Variants in MITF observed in about 807,000 individuals in gnomAD.
The protein encoded by MITF is microphthalmia-associated transcription factor.
A neutral mutation model predicts 60.5 loss-of-function variants in MITF; 17 were observed. The observed-to-expected ratio is 0.28, with a 90% CI of 0.19 to 0.42. The LOEUF is 0.42. Ranked by LOEUF, MITF falls within the 10% of genes least tolerant of loss-of-function variation. The pLI is 1.00. For synonymous variants in MITF, 260 were observed against 248.5 expected (o/e 1.05, Z -0.43); for missense variants, 622 against 683.5 (o/e 0.91, Z 1.00).
chr3:69,790,795 A>G (rs2062727313), intron 1 of MITF, among the ~76,000 whole-genome samples: 1 of 152,150 alleles, frequency 6.6e-6, no homozygotes. Flanking sequence ...GCAGCACCCC[A>G]CTTTCAGTCC....
intron 9 of MITF, 74 bp from the exon 10 acceptor site, chr3:69,964,773 T>C (rs1559755732): frequency 1.4e-5 from 19 of 1,359,458 alleles, no homozygotes; most frequent in East Asian, 2.3e-5. Flanking sequence ...TAGTATCATA[T>C]AGAGTGGTTT....
rs774888150 is a variant in MITF, at chr3:69,965,830, C to G, written c.*582C>G. ...TCTGTAAAAGAAAAAAAAAATGCGG[C>G]CTTTTCATGAGGATCGTCTGGTTAG... On this transcript the variant is annotated 3_prime_UTR_variant, in exon 10 of 10. Transcript: ENST00000352241. 18 of 229,676 alleles carry G rather than the reference C, an allele frequency of 7.8e-5. No individual in the cohort carries two copies. The highest frequency in any genetic ancestry group is 1.4e-4 in the Non-Finnish European group (16 of 116,390). 14.2% of individuals were successfully genotyped at this position (229,676 alleles called of 1,614,324 possible).
At chr3:69,772,374 C>A (rs2062406736) in intron 1 of MITF, among the ~76,000 whole-genome samples, 1 of 152,166 alleles carries the variant, frequency 6.6e-6, no homozygotes, top group Non-Finnish European at 1.5e-5. Context: ...GGCCTAATGG[C>A]AAATGTTGGT....
intron 1 of MITF, among the ~76,000 whole-genome samples, chr3:69,817,782 A>G (rs1370773870): frequency 3.3e-5 from 5 of 152,152 alleles, no homozygotes; most frequent in Non-Finnish European, 5.9e-5. Context: ...AATAAATGTA[A>G]TAACAATAAT....
chr3:69,868,323 A>G (rs2064155175), intron 1 of MITF, among the ~76,000 whole-genome samples: 1 of 152,216 alleles, frequency 6.6e-6, no homozygotes, highest in Non-Finnish European at 1.5e-5. Context: ...AACCATGCCC[A>G]AGTGATACAG....
intron 2 of MITF, among the ~76,000 whole-genome samples, chr3:69,907,413 T>C (rs181532578): frequency 1.3e-4 from 20 of 152,270 alleles, no homozygotes; most frequent in Admixed American, 9.8e-4. Context: ...GGCATTGTTA[T>C]AGGTGCCAGG....
intron 1 of MITF, among the ~76,000 whole-genome samples, chr3:69,780,356 T>A (rs1049626373): frequency 6.6e-6 from 1 of 152,222 alleles, no homozygotes; most frequent in African/African-American, 2.4e-5. Context: ...AAATGTTACC[T>A]AATATAAAAT....
At chr3:69,771,251 T>TG (rs927705253) in intron 1 of MITF, among the ~76,000 whole-genome samples, 7 of 149,814 alleles carry the variant, frequency 4.7e-5, no homozygotes, top group Non-Finnish European at 8.9e-5. Flanking sequence ...AAACATGGGT[T>TG]TTTTTTTTTT....
At chr3:69,763,634 C>A in intron 1 of MITF, 1 of 1,225,084 alleles carries the variant, frequency 8.2e-7, no homozygotes, top group Non-Finnish European at 1.0e-6. Flanking sequence ...TTGTAATAAT[C>A]TCCTTTCTGA....
At chr3:69,936,524 G>C in intron 2 of MITF, 1 of 1,269,594 alleles carries the variant, frequency 7.9e-7, no homozygotes, top group East Asian at 2.8e-5. Context: ...TTATGTGAAC[G>C]TTTTTTTTTA....
intron 2 of MITF, among the ~76,000 whole-genome samples, chr3:69,884,922 C>G (rs763887561): frequency 2.9e-4 from 44 of 152,108 alleles, no homozygotes; most frequent in Non-Finnish European, 5.7e-4. Flanking sequence ...CACAACTAAG[C>G]CTATGAATTA....
intron 2 of MITF, among the ~76,000 whole-genome samples, chr3:69,934,501 G>A (rs145357004): frequency 6.6e-5 from 10 of 152,300 alleles, no homozygotes; most frequent in African/African-American, 1.7e-4. Context: ...TGCTAAGGCC[G>A]TTAGAAACAT....
intron 1 of MITF, among the ~76,000 whole-genome samples, chr3:69,777,494 T>A (rs2062493082): frequency 6.6e-6 from 1 of 152,176 alleles, no homozygotes; most frequent in Non-Finnish European, 1.5e-5. Context: ...TAATACAGAG[T>A]ACAAATGATG....
intron 1 of MITF, among the ~76,000 whole-genome samples, chr3:69,842,393 A>G (rs1202210296): frequency 1.3e-5 from 2 of 152,212 alleles, no homozygotes; most frequent in Non-Finnish European, 1.5e-5. Context: ...ATACAACAAC[A>G]AACTTGTTAC....
chr3:69,925,260 A>G (rs991267638), intron 2 of MITF, among the ~76,000 whole-genome samples: 2 of 152,166 alleles, frequency 1.3e-5, no homozygotes, highest in African/African-American at 4.8e-5. Context: ...CATTTAAGCA[A>G]CTTGCCCAGG....
At chr3:69,922,607 C>G (rs1371115541) in intron 2 of MITF, among the ~76,000 whole-genome samples, 1 of 152,118 alleles carries the variant, frequency 6.6e-6, no homozygotes, top group South Asian at 2.1e-4. Flanking sequence ...TTCTCTTCTT[C>G]CCGTTTTTGT....
chr3:69,796,421 C>G (rs6768731), intron 1 of MITF, among the ~76,000 whole-genome samples: 52,376 of 150,130 alleles, frequency 0.35, 9,907 homozygotes, highest in Non-Finnish European at 0.42. Context: ...TTCCTAAATA[C>G]TTTTGCAGGT....
chr3:69,967,788 CTTG>C lies in MITF; in HGVS notation c.*2546_*2548del. On this transcript the variant is annotated 3_prime_UTR_variant, in exon 10 of 10. Coordinates refer to ENST00000352241, the MANE Select transcript of MITF (RefSeq NM_001354604.2). Reference sequence around the variant, plus strand: ...CTAAGCCAAGAGGCAGTGGTTTGGGCTTGTTGTTTGTAACAAGAAAATGATCCA... The same window carrying C: ...CTAAGCCAAGAGGCAGTGGTTTGGGCTTGTTTGTAACAAGAAAATGATCCA... 4.3e-6 allele frequency: 1 copy of C among 232,932 alleles called. No individual in the cohort carries two copies. The highest frequency in any genetic ancestry group is 8.5e-6 in the Non-Finnish European group (1 of 117,876). 14.4% of individuals were successfully genotyped at this position (232,932 alleles called of 1,614,324 possible).
intron 2 of MITF, among the ~76,000 whole-genome samples, chr3:69,882,073 G>T (rs1033763700): frequency 1.3e-5 from 2 of 152,144 alleles, no homozygotes; most frequent in Non-Finnish European, 2.9e-5. Context: ...CTATCTGGAT[G>T]AATGACTGAT....
Sources: allele counts gnomAD v4.1 joint callset (sites outside exome capture counted in the v4.1 genomes callset), GRCh38; gene constraint gnomAD v4.1.1; transcripts MANE v1.5; gene names NCBI Gene and HGNC (gene_info 2026-07-23, HGNC 2026-07-21).